Variants in C3orf20 observed in about 807,000 individuals in gnomAD.
The protein encoded by C3orf20 is family with sequence similarity 149 member C.
A neutral mutation model predicts 88.3 loss-of-function variants in C3orf20; 76 were observed. The ratio of observed to expected loss-of-function variants is 0.86; its 90% CI spans 0.72 to 1.04. C3orf20 has a LOEUF of 1.04. C3orf20 is among the 50% of genes least tolerant of loss of function. C3orf20 has a pLI of 0.00. For missense variants in C3orf20, 1,056 were observed against 1,123.3 expected, an observed-to-expected ratio of 0.94 and a Z score of 0.86; for synonymous variants, 436 against 437.4, an observed-to-expected ratio of 1.00 and a Z score of 0.04.
intron 12 of C3orf20, among the ~76,000 whole-genome samples, chr3:14,746,691 A>G (rs1013618708): frequency 6.6e-6 from 1 of 152,168 alleles, no homozygotes; most frequent in African/African-American, 2.4e-5. Context: ...CCTAGACACA[A>G]TTGAGCAACA....
intron 12 of C3orf20, among the ~76,000 whole-genome samples, chr3:14,735,591 T>A: frequency 6.6e-6 from 1 of 151,974 alleles, no homozygotes. Context: ...TGAGACACTA[T>A]TATGAATTTT....
intron 1 of C3orf20, among the ~76,000 whole-genome samples, chr3:14,681,388 G>T (rs746306029): frequency 5.3e-5 from 8 of 152,326 alleles, no homozygotes; most frequent in Non-Finnish European, 8.8e-5. Flanking sequence ...TGGTTGTCAG[G>T]ATAAAAGGTG....
chr3:14,713,928 T>G, intron 7 of C3orf20, 79 bp from the exon 8 acceptor site: 6 of 1,508,348 alleles, frequency 4.0e-6, no homozygotes, highest in Non-Finnish European at 5.5e-6. Context: ...CACTTTGACA[T>G]GTGGACTTGC....
At chr3:14,702,269 C>T (rs909953650) in intron 5 of C3orf20, among the ~76,000 whole-genome samples, 5 of 152,050 alleles carry the variant, frequency 3.3e-5, no homozygotes, top group East Asian at 1.9e-4. Flanking sequence ...TTCACTATCA[C>T]GAGAATAGCA....
chr3:14,741,030 C>T (rs2034883886), intron 12 of C3orf20, among the ~76,000 whole-genome samples: 1 of 152,002 alleles, frequency 6.6e-6, no homozygotes, highest in African/African-American at 2.4e-5. Flanking sequence ...TTTAGTATGC[C>T]AGATATTGTG....
intron 12 of C3orf20, among the ~76,000 whole-genome samples, chr3:14,737,869 A>G (rs984330583): frequency 1.3e-5 from 2 of 152,178 alleles, no homozygotes; most frequent in Non-Finnish European, 2.9e-5. Flanking sequence ...CATTTCATCA[A>G]TGTTTATGGC....
Position 14,742,838 on chromosome 3 carries a change from A to G in C3orf20, c.1940+14150A>G, listed in dbSNP as rs184980052. On this transcript the variant is annotated intron_variant, in intron 12 of 16. Coordinates refer to ENST00000253697, the MANE Select transcript of C3orf20 (RefSeq NM_032137.5). ...AGAAGCAAAAGCAGAAACCCCTGATAAACCCATCAGATCTCATGAGATTTA... is the reference window on the plus strand; with the variant it reads ...AGAAGCAAAAGCAGAAACCCCTGATGAACCCATCAGATCTCATGAGATTTA... 2.8e-3 allele frequency among the ~76,000 whole-genome samples: 427 copies of G among 152,306 alleles called. 4 individuals are homozygous for G. The highest frequency in any genetic ancestry group is 0.02 in the Middle Eastern group (6 of 294).
At position 14,714,009 on chromosome 3, in the gene C3orf20, A is replaced by G. The variant is rs1352461339; in HGVS notation, c.1163A>G (p.Tyr388Cys). 3 of 1,614,038 alleles carry G rather than the reference A, an allele frequency of 1.9e-6. No homozygotes were observed. The highest frequency in any genetic ancestry group is 2.2e-5 in the East Asian group (1 of 44,878). ...TFYDGSSFVY[Y>C]PSGNVAVCQI... ...TTCTACCTGAACATTTCTGCCAGCT[A>G]TCCCTCTGGAAACGTCGCTGTATGT... is the stretch of plus-strand genomic sequence containing the variant. The change falls in exon 8 of 17, where the codon TAT becomes TGT. Residue 388 changes from tyrosine to cysteine, a missense_variant and splice_region_variant. Tyr to Cys is a radical substitution (Grantham distance 194). Transcript: ENST00000253697.
At chr3:14,684,166 A>G in intron 3 of C3orf20, 76 bp from the exon 4 acceptor site, 1 of 1,576,218 alleles carries the variant, frequency 6.3e-7, no homozygotes, top group Non-Finnish European at 8.6e-7. Context: ...TTCCTGGGCC[A>G]TTTACAGAGG....
chr3:14,709,178 G>A (rs1004511682), intron 7 of C3orf20, among the ~76,000 whole-genome samples: 2 of 152,198 alleles, frequency 1.3e-5, no homozygotes, highest in Non-Finnish European at 2.9e-5. Context: ...GACATCTTGT[G>A]TTCATGGGGA....
In C3orf20 at chr3:14,772,633, G is replaced by T. The variant is rs866348991; in HGVS notation, c.2631-158G>T. Among the ~76,000 whole-genome samples, 12 of 152,340 alleles carry T rather than the reference G, an allele frequency of 7.9e-5. 1 individual carries two copies. Among genetic ancestry groups the T allele is most frequent in the Middle Eastern group, 6.8e-3 (2 of 294 alleles). On this transcript the variant is annotated intron_variant, in intron 16 of 16. Coordinates refer to ENST00000253697, the MANE Select transcript of C3orf20 (RefSeq NM_032137.5). The surrounding 1 kb of genome is among the most constrained non-coding windows in gnomAD (Gnocchi z 4.2). ...AGCAAAATTAGGAGCATGTAGAAAG[G>T]TCGCAGGTGCCACCGGGGCCCTCTG...
chr3:14,730,067 C>T (rs891221131), intron 12 of C3orf20, among the ~76,000 whole-genome samples: 1 of 152,158 alleles, frequency 6.6e-6, no homozygotes, highest in African/African-American at 2.4e-5. Flanking sequence ...CAATCTCACC[C>T]TCCTTCCCAG....
At chr3:14,746,565 A>G (rs1469610034) in intron 12 of C3orf20, among the ~76,000 whole-genome samples, 1 of 152,202 alleles carries the variant, frequency 6.6e-6, no homozygotes, top group Admixed American at 6.5e-5. Flanking sequence ...TTCTGAAAGC[A>G]TCATTGATCA....
chr3:14,730,455 G>A (rs2034503753), intron 12 of C3orf20, among the ~76,000 whole-genome samples: 2 of 152,092 alleles, frequency 1.3e-5, no homozygotes, highest in South Asian at 2.1e-4. Flanking sequence ...GCTGAGGCAG[G>A]AGAATGGCGT....
intron 10 of C3orf20, chr3:14,722,037 A>C: frequency 2.3e-6 from 1 of 434,440 alleles, no homozygotes; most frequent in South Asian, 3.2e-5. Context: ...AAAAGAATAT[A>C]GTGGCTCAAT....
At chr3:14,684,159 C>G in intron 3 of C3orf20, 83 bp from the exon 4 acceptor site, 2 of 1,562,676 alleles carry the variant, frequency 1.3e-6, no homozygotes, top group East Asian at 4.5e-5. Flanking sequence ...CCCTTCTTTC[C>G]TGGGCCATTT....
At chr3:14,689,721 AC>A (rs1292782105) in intron 4 of C3orf20, among the ~76,000 whole-genome samples, 2 of 151,914 alleles carry the variant, frequency 1.3e-5, no homozygotes, top group African/African-American at 4.9e-5. Flanking sequence ...GAGTAATATC[AC>A]TTTTCGTGCT....
intron 4 of C3orf20, among the ~76,000 whole-genome samples, chr3:14,688,721 G>C (rs1319576833): frequency 1.3e-5 from 2 of 151,876 alleles, no homozygotes; most frequent in African/African-American, 4.8e-5. Context: ...AAAAGAGGAA[G>C]CAATCCTGCC....
At chr3:14,703,371 G>A in intron 6 of C3orf20, 109 bp downstream of exon 6, 1 of 1,537,628 alleles carries the variant, frequency 6.5e-7, no homozygotes, top group Non-Finnish European at 8.8e-7. Flanking sequence ...AAGTGTGTGA[G>A]ACATGCCACC....
Sources: gnomAD v4.1 joint callset for allele counts (sites outside exome capture counted in the v4.1 genomes callset) on GRCh38, gnomAD v4.1.1 for gene constraint, Gnocchi (gnomAD v3.1) non-coding constraint, MANE v1.5 for transcripts, NCBI Gene and HGNC (gene_info 2026-07-23, HGNC 2026-07-21) for gene names.